The following SPAST variants were observed in gnomAD, a reference collection of about 807,000 sequenced individuals.
The protein encoded by SPAST is spastic paraplegia 4 (autosomal dominant; spastin).
Under a neutral mutation model 76.6 loss-of-function variants are expected in SPAST, and 30 were observed. The ratio of observed to expected loss-of-function variants is 0.39; its 90% CI spans 0.29 to 0.53. SPAST has a LOEUF of 0.53. Ranked by LOEUF, SPAST falls within the 20% of genes least tolerant of loss-of-function variation. The probability of loss-of-function intolerance (pLI) is 0.68; values close to 1 mark genes in which losing one functional copy is unlikely to be tolerated. For synonymous variants in SPAST, 305 were observed against 281.0 expected, an observed-to-expected ratio of 1.09 and a Z score of -0.86; for missense variants, 717 against 770.5, an observed-to-expected ratio of 0.93 and a Z score of 0.82.
intron 4 of SPAST, among the ~76,000 whole-genome samples, chr2:32,103,728 A>G (rs1678212898): frequency 6.6e-6 from 1 of 151,878 alleles, no homozygotes; most frequent in African/African-American, 2.4e-5. Flanking sequence ...TTATATACCC[A>G]GTAGTCATTC....
At chr2:32,110,825 TATATATAC>T (rs1678558069) in intron 4 of SPAST, among the ~76,000 whole-genome samples, 1 of 117,342 alleles carries the variant, frequency 8.5e-6, no homozygotes, top group Non-Finnish European at 1.7e-5. Context: ...GTATATAGAG[TATATATAC>T]AGTATACTAT....
intron 5 of SPAST, among the ~76,000 whole-genome samples, chr2:32,115,137 G>A (rs1040516085): frequency 1.3e-5 from 2 of 151,972 alleles, no homozygotes; most frequent in East Asian, 1.9e-4. Context: ...TAGTAGAGAC[G>A]GGGTTTCTCC....
chr2:32,120,722 T>C (rs917785783), intron 7 of SPAST, among the ~76,000 whole-genome samples: 1 of 152,044 alleles, frequency 6.6e-6, no homozygotes, highest in African/African-American at 2.4e-5. Flanking sequence ...TTTTTTCCTT[T>C]CTTTATTATG....
chr2:32,065,541 A>G (rs1404313131), intron 1 of SPAST, among the ~76,000 whole-genome samples: 1 of 152,200 alleles, frequency 6.6e-6, no homozygotes, highest in Non-Finnish European at 1.5e-5. Context: ...ACCTGTGCTA[A>G]TAATGAAATT....
rs142201362 is a variant in SPAST, at chr2:32,147,376, A to G, written c.1728+118A>G. 1.6e-5 allele frequency: 9 copies of G among 562,824 alleles called. No homozygotes were observed. In the African/African-American group the frequency reaches 2.2e-4, roughly 14 times the overall value. 34.9% of individuals were successfully genotyped at this position (562,824 alleles called of 1,614,324 possible). On this transcript the variant is annotated intron_variant, in intron 16 of 16. Transcript: ENST00000315285. ...TTTTTTTTTTTTTTTTTTTTGAGACAGTCTGGCATGATATCGGCTCACTGC... is the reference window on the plus strand; with the variant it reads ...TTTTTTTTTTTTTTTTTTTTGAGACGGTCTGGCATGATATCGGCTCACTGC...
At chr2:32,126,056 A>G (rs1182810291) in intron 7 of SPAST, among the ~76,000 whole-genome samples, 3 of 152,066 alleles carry the variant, frequency 2.0e-5, no homozygotes, top group African/African-American at 7.2e-5. Flanking sequence ...TGGCCTCCCA[A>G]AGTGCTGGGA....
chr2:32,110,404 C>T (rs1277707732), intron 4 of SPAST, among the ~76,000 whole-genome samples: 1 of 147,936 alleles, frequency 6.8e-6, no homozygotes, highest in Non-Finnish European at 1.5e-5. Flanking sequence ...AGGCGTGAGC[C>T]ACCGCGCCTG....
intron 7 of SPAST, among the ~76,000 whole-genome samples, chr2:32,117,138 A>G (rs891652572): frequency 6.6e-6 from 1 of 152,084 alleles, no homozygotes; most frequent in South Asian, 2.1e-4. Flanking sequence ...GTGTAACCCC[A>G]GCTACTCGGG....
At position 32,157,460 on chromosome 2, in the gene SPAST, G is replaced by A. The variant is rs1680289424; in HGVS notation, c.*2964G>A. On this transcript the variant is annotated 3_prime_UTR_variant, in exon 17 of 17. Transcript: ENST00000315285. ...TTTTGTACAAAAACTAATTCTTTTG[G>A]TAAAATGAACCATTTACAGTTCGGT... 6.6e-6 allele frequency: 1 copy of A among 152,468 alleles called. No homozygotes were observed. The highest frequency in any genetic ancestry group is 2.4e-5 in the African/African-American group (1 of 41,390). The allele number at this position is 152,468 out of a possible 1,614,324, so 9.4% of individuals were successfully genotyped here.
intron 4 of SPAST, among the ~76,000 whole-genome samples, chr2:32,107,639 C>G (rs988751921): frequency 2.5e-4 from 38 of 152,092 alleles, no homozygotes; most frequent in African/African-American, 8.5e-4. Context: ...GTTAAGGATG[C>G]TGAACCAGTA....
intron 3 of SPAST, among the ~76,000 whole-genome samples, chr2:32,090,189 A>G (rs373370785): frequency 3.3e-5 from 5 of 152,208 alleles, no homozygotes; most frequent in South Asian, 4.1e-4. Context: ...CTCACTGCCT[A>G]TTACTATAAA....
At position 32,127,039 on chromosome 2, in the gene SPAST, A is replaced by G. The variant is rs200640366; in HGVS notation, c.1173+17A>G. The G allele has an allele frequency of 8.9e-6, 14 of 1,565,378 alleles. No individual in the cohort carries two copies. Among genetic ancestry groups the G allele is most frequent in the Non-Finnish European group, 1.2e-5 (14 of 1,135,688 alleles). ...ACAATGCTGGTAAGGGTTCTCTTCA[A>G]ATTTGAGTTTTCTGTTGAGATATTT... is the stretch of plus-strand genomic sequence containing the variant. On this transcript the variant is annotated intron_variant, in intron 8 of 16. Transcript: ENST00000315285.
intron 4 of SPAST, among the ~76,000 whole-genome samples, chr2:32,100,600 C>A (rs1678083777): frequency 6.6e-6 from 1 of 151,976 alleles, no homozygotes; most frequent in African/African-American, 2.4e-5. Context: ...CCTAATGCTA[C>A]CCCTCCCCTC....
intron 7 of SPAST, among the ~76,000 whole-genome samples, chr2:32,120,276 T>G (rs186514245): frequency 9.3e-4 from 142 of 152,238 alleles, no homozygotes; most frequent in African/African-American, 3.2e-3. Flanking sequence ...ATCTATTAAC[T>G]TGCATATCAT....
At chr2:32,106,360 C>T (rs1163230577) in intron 4 of SPAST, among the ~76,000 whole-genome samples, 2 of 152,176 alleles carry the variant, frequency 1.3e-5, no homozygotes, top group African/African-American at 4.8e-5. Flanking sequence ...TACCATATGT[C>T]ACGGCTTCCC....
At chr2:32,133,533 C>T (rs1001586196) in intron 9 of SPAST, among the ~76,000 whole-genome samples, 1 of 152,122 alleles carries the variant, frequency 6.6e-6, no homozygotes, top group African/African-American at 2.4e-5. Context: ...CTTCTTTCAT[C>T]AGCATTGTAT....
chr2:32,104,969 T>C (rs1678263374), intron 4 of SPAST, among the ~76,000 whole-genome samples: 1 of 152,202 alleles, frequency 6.6e-6, no homozygotes, highest in Non-Finnish European at 1.5e-5. Context: ...TGTGGCATTC[T>C]CTGTATTTCC....
At chr2:32,138,713 G>A (rs1005414692) in intron 12 of SPAST, among the ~76,000 whole-genome samples, 1 of 152,100 alleles carries the variant, frequency 6.6e-6, no homozygotes, top group Non-Finnish European at 1.5e-5. Context: ...TGTGTTTGGG[G>A]ACTTAGCCAA....
Position 32,096,154 on chromosome 2 carries a change from T to C in SPAST, c.587-2642T>C, listed in dbSNP as rs933747470. ...AGTCCTTTAACAGAAGTGAATTGGGTCTGGGCGCGGTGGCTCACGCCTGTA... is the reference window on the plus strand; with the variant it reads ...AGTCCTTTAACAGAAGTGAATTGGGCCTGGGCGCGGTGGCTCACGCCTGTA... On this transcript the variant is annotated intron_variant, in intron 3 of 16. Coordinates refer to ENST00000315285, the MANE Select transcript of SPAST (RefSeq NM_014946.4). Among the ~76,000 whole-genome samples the C allele has an allele frequency of 9.9e-5, 15 of 152,122 alleles. 1 individual carries two copies. Among genetic ancestry groups the C allele is most frequent in the Admixed American group, 9.2e-4 (14 of 15,268 alleles).
Sources: gnomAD v4.1 joint callset for allele counts (sites outside exome capture counted in the v4.1 genomes callset) on GRCh38, gnomAD v4.1.1 for gene constraint, MANE v1.5 for transcripts, NCBI Gene and HGNC (gene_info 2026-07-23, HGNC 2026-07-21) for gene names.